EPRS1: variants seen among roughly 807,000 people sequenced by gnomAD.
EPRS1 encodes glutamyl-prolyl-tRNA synthetase 1.
In EPRS1, 107 loss-of-function variants were observed where a neutral mutation model predicts 188.3. The observed-to-expected ratio is 0.57, with a 90% confidence interval of 0.49 to 0.67. EPRS1 has a LOEUF of 0.67. Among genes scored for constraint, EPRS1 ranks in the 30% least tolerant of loss-of-function variants. The pLI, the probability that EPRS1 is intolerant of heterozygous loss-of-function variation, is 0.00. For synonymous variants in EPRS1, 596 were observed against 593.1 expected (o/e 1.00, Z -0.07); for missense variants, 1,577 against 1,802.2 (o/e 0.88, Z 2.26).
chr1:220,007,418 A>C, intron 13 of EPRS1, 80 bp from the exon 14 acceptor site: 1 of 1,399,638 alleles, frequency 7.1e-7, no homozygotes, highest in South Asian at 1.3e-5. Flanking sequence ...CATTCATTCT[A>C]TTCTTTAACC....
intron 14 of EPRS1, among the ~76,000 whole-genome samples, chr1:220,006,538 T>C (rs1188097732): frequency 6.6e-6 from 1 of 152,108 alleles, no homozygotes; most frequent in Non-Finnish European, 1.5e-5. Context: ...ATCACTGACA[T>C]CGAGATACTA....
At chr1:219,989,193 A>C (rs2102569327) in intron 18 of EPRS1, among the ~76,000 whole-genome samples, 1 of 152,294 alleles carries the variant, frequency 6.6e-6, no homozygotes, top group Non-Finnish European at 1.5e-5. Context: ...TACAAACCTT[A>C]CTTTCCACAG....
chr1:220,020,314 TCTTTA>T, intron 9 of EPRS1, 93 bp from the exon 10 acceptor site: 1 of 795,652 alleles, frequency 1.3e-6, no homozygotes, highest in Non-Finnish European at 2.0e-6. Flanking sequence ...AAAATGTAAT[TCTTTA>T]CAAGTTAAGA....
Position 220,022,502 on chromosome 1 carries a change from T to G in EPRS1, c.960A>C (p.Leu320=). The change falls in exon 9 of 32, where the codon CTA becomes CTC. Residue 320 remains leucine, a synonymous_variant. Coordinates refer to ENST00000366923, the MANE Select transcript of EPRS1 (RefSeq NM_004446.3). ...CTTTTTTCATTTCTTCCCACATTTG[T>G]AGATTCTTCTCAATAGCTATAAAAT... The part of the protein sequence containing the change: ...KHRKNPIEKN[L]QMWEEMKKGS... The G allele has an allele frequency of 6.2e-7, 1 of 1,612,780 alleles. No homozygotes were observed. Among genetic ancestry groups the G allele is most frequent in the Non-Finnish European group, 8.5e-7 (1 of 1,179,382 alleles).
At chr1:220,034,226 G>A (rs899609343) in intron 3 of EPRS1, among the ~76,000 whole-genome samples, 10 of 152,124 alleles carry the variant, frequency 6.6e-5, no homozygotes, top group African/African-American at 2.4e-4. Context: ...TGTTGTCTAT[G>A]TTTAGATACA....
rs145240847 is a variant in EPRS1, at chr1:219,993,860, T to C, written c.2541+3123A>G. 2.7e-4 allele frequency among the ~76,000 whole-genome samples: 41 copies of C among 152,338 alleles called. No homozygotes were observed. The East Asian group carries it at 5.4e-3, about 20-fold the overall frequency. ...CTTTCATATTCAGTTTCTCCTCTGTTGCTATAACAAGCAAATAGAAAAAGT... is the reference window on the plus strand; with the variant it reads ...CTTTCATATTCAGTTTCTCCTCTGTCGCTATAACAAGCAAATAGAAAAAGT... On this transcript the variant is annotated intron_variant, in intron 18 of 31. Coordinates refer to ENST00000366923, the MANE Select transcript of EPRS1 (RefSeq NM_004446.3).
At chr1:220,039,843 T>C (rs1047750570) in intron 2 of EPRS1, among the ~76,000 whole-genome samples, 1 of 152,174 alleles carries the variant, frequency 6.6e-6, no homozygotes, top group South Asian at 2.1e-4. Context: ...TTAAATGCCA[T>C]TCAGAGGCCA....
intron 29 of EPRS1, 22 bp from the exon 30 acceptor site, chr1:219,972,169 C>T: frequency 7.0e-7 from 1 of 1,433,066 alleles, no homozygotes; most frequent in Non-Finnish European, 9.6e-7. Flanking sequence ...AATTAGAAAA[C>T]AATACATAAT....
intron 18 of EPRS1, among the ~76,000 whole-genome samples, chr1:219,993,731 T>C (rs1034178024): frequency 6.6e-6 from 1 of 152,208 alleles, no homozygotes; most frequent in Non-Finnish European, 1.5e-5. Flanking sequence ...ACTATAACTC[T>C]CTAGCGCTTT....
chr1:220,018,099 A>G (rs1401179450), intron 12 of EPRS1: 5 of 1,284,776 alleles, frequency 3.9e-6, no homozygotes, highest in Non-Finnish European at 5.1e-6. Flanking sequence ...AGCTATGTTT[A>G]AGGCAAATAA....
Position 219,968,931 on chromosome 1 carries a change from G to A in EPRS1, c.4414C>T (p.Pro1472Ser), listed in dbSNP as rs886842952. 1.2e-6 allele frequency: 2 copies of A among 1,613,952 alleles called. No individual in the cohort carries two copies. The highest frequency in any genetic ancestry group is 1.7e-6 in the Non-Finnish European group (2 of 1,179,980). The change falls in exon 32 of 32, where the codon CCA (proline) becomes TCA (serine). Residue 1472 changes from proline (P) to serine (S), a missense_variant. Pro to Ser is a moderately conservative substitution (Grantham distance 74, BLOSUM62 -1). This residue lies in a region of EPRS1 where 296 missense variants were observed against 327.9 expected (regional missense o/e 0.90). Coordinates refer to ENST00000366923, the MANE Select transcript of EPRS1 (RefSeq NM_004446.3). ...CAAAGGCTTTTAGCTCCCATGGATG[G>A]AGCACCAGGTTCAAGATCTTGATCC... Reference protein sequence around the residue: ...ARDQDLEPGAPSMGAKSLCIP... With the variant: ...ARDQDLEPGASSMGAKSLCIP...
intron 12 of EPRS1, among the ~76,000 whole-genome samples, chr1:220,015,378 G>T (rs1281833758): frequency 1.3e-5 from 2 of 152,090 alleles, no homozygotes; most frequent in South Asian, 2.1e-4. Context: ...CAATAGAATT[G>T]CTTGAACCCA....
At chr1:219,976,737 C>G (rs7527749) in intron 28 of EPRS1, among the ~76,000 whole-genome samples, 70,349 of 151,846 alleles carry the variant, frequency 0.46, 16,391 homozygotes, top group South Asian at 0.53. Context: ...AGAGAGAAAA[C>G]GGCATATGAA....
chr1:219,981,316 TTAAAA>T, intron 24 of EPRS1, 57 bp downstream of exon 24: 5 of 1,050,952 alleles, frequency 4.8e-6, no homozygotes, highest in Non-Finnish European at 6.5e-6. Flanking sequence ...AAAATGTGCT[TTAAAA>T]AAAAAAAAAA....
Position 220,022,478 on chromosome 1 carries a change from T to G in EPRS1, c.984A>C (p.Lys328Asn), listed in dbSNP as rs2102590626. The change falls in exon 9 of 32, where the codon AAA becomes AAC. Residue 328 changes from lysine (K) to asparagine (N), a missense_variant. Lys to Asn is a moderately conservative substitution (Grantham distance 94). Transcript: ENST00000366923. ...AACAGGACTGACCAAACTGGCTCCC[T>G]TTTTTCATTTCTTCCCACATTTGTA... is the stretch of plus-strand genomic sequence containing the variant. ...KNLQMWEEMKKGSQFGQSCCL... is the reference protein window; with the variant it reads ...KNLQMWEEMKNGSQFGQSCCL... 1 of 1,612,404 alleles carries G rather than the reference T, an allele frequency of 6.2e-7. No individual in the cohort carries two copies. The highest frequency in any genetic ancestry group is 8.5e-7 in the Non-Finnish European group (1 of 1,178,976).
At position 220,040,289 on chromosome 1, in the gene EPRS1, A is replaced by AT. The variant is rs534205349; in HGVS notation, c.47-21dup. On this transcript the variant is annotated intron_variant, in intron 1 of 31. Coordinates refer to ENST00000366923, the MANE Select transcript of EPRS1 (RefSeq NM_004446.3). Reference sequence around the variant, plus strand: ...AAGCTCCTATAAATAATATGAAAAGATTTTTTATCTTTAAAAGCAATGCAG... The same window carrying AT: ...AAGCTCCTATAAATAATATGAAAAGATTTTTTTATCTTTAAAAGCAATGCAG... 8 of 1,493,390 alleles carry AT rather than the reference A, an allele frequency of 5.4e-6. No homozygotes were observed. The African/African-American group carries it at 8.4e-5, about 16-fold the overall frequency. The allele number at this position is 1,493,390 out of a possible 1,614,324, so 92.5% of individuals were successfully genotyped here.
rs189039918 is a variant in EPRS1 at position 219,975,133 on chromosome 1, C to G, written c.4084-1735G>C. ...ATGGCAAAATGCAATAGGACTGGATCCTACACTGAAAAAGGAGAGGGCCAC... is the reference window on the plus strand; with the variant it reads ...ATGGCAAAATGCAATAGGACTGGATGCTACACTGAAAAAGGAGAGGGCCAC... On this transcript the variant is annotated intron_variant, in intron 28 of 31. Transcript: ENST00000366923. Among the ~76,000 whole-genome samples the G allele has an allele frequency of 5.9e-5, 9 of 152,252 alleles. No homozygotes were observed. The East Asian group carries it at 1.4e-3, about 23-fold the overall frequency.
At chr1:220,000,908 G>T (rs1035538198) in intron 17 of EPRS1, among the ~76,000 whole-genome samples, 7 of 152,162 alleles carry the variant, frequency 4.6e-5, no homozygotes, top group African/African-American at 1.7e-4. Context: ...TTGAACCCGG[G>T]AGGCGGAGGT....
chr1:220,008,415 TAAG>T (rs1275949134), intron 13 of EPRS1, among the ~76,000 whole-genome samples: 3 of 150,276 alleles, frequency 2.0e-5, no homozygotes, highest in Non-Finnish European at 4.4e-5. Context: ...AAAAAAAAAG[TAAG>T]AAGATCTTTT....
Sources: gnomAD v4.1 joint callset for allele counts (sites outside exome capture counted in the v4.1 genomes callset) on GRCh38, gnomAD v4.1.1 for gene constraint, gnomAD v4.1.1 regional missense constraint, MANE v1.5 for transcripts, NCBI Gene and HGNC (gene_info 2026-07-23, HGNC 2026-07-21) for gene names.